SGCZ: variants seen among roughly 807,000 people sequenced by gnomAD.
The protein encoded by SGCZ is zeta-sarcoglycan.
A neutral mutation model predicts 41.3 loss-of-function variants in SGCZ; 40 were observed. The ratio of observed to expected loss-of-function variants is 0.97; its 90% CI spans 0.75 to 1.26. The LOEUF is 1.26. Ranked by LOEUF, SGCZ falls within the 50% of genes most tolerant of loss-of-function variation. The pLI, the probability that SGCZ is intolerant of heterozygous loss-of-function variation, is 0.00. For synonymous variants in SGCZ, 206 were observed against 137.5 expected (o/e 1.50, Z -3.49); for missense variants, 552 against 369.8 (o/e 1.49, Z -4.04).
intron 1 of SGCZ, among the ~76,000 whole-genome samples, chr8:15,030,620 T>A (rs1803626347): frequency 6.6e-6 from 1 of 152,186 alleles, no homozygotes; most frequent in African/African-American, 2.4e-5. Context: ...GTGGAGTATT[T>A]GTTGAGTATC....
chr8:15,007,275 T>C (rs939964125), intron 1 of SGCZ, among the ~76,000 whole-genome samples: 16 of 152,334 alleles, frequency 1.1e-4, no homozygotes, highest in African/African-American at 3.8e-4. Context: ...TGACAGATTT[T>C]GATACTATGT....
intron 1 of SGCZ, among the ~76,000 whole-genome samples, chr8:14,582,009 A>T (rs1804906132): frequency 6.6e-6 from 1 of 152,104 alleles, no homozygotes; most frequent in African/African-American, 2.4e-5. Context: ...AAAGAAAGAC[A>T]AATCCTTCCT....
chr8:14,268,166 C>A lies in SGCZ; in HGVS notation c.337-30487G>T, dbSNP rs553653374. Among the ~76,000 whole-genome samples, 13 of 149,532 alleles carry A rather than the reference C, an allele frequency of 8.7e-5. No individual in the cohort carries two copies. In the South Asian group the frequency reaches 2.7e-3, roughly 31 times the overall value. ...TAAAATATAGTGAGAAAAACAGAAACAACGGAAGCAAAATACTGGGAATAC... is the reference window on the plus strand; with the variant it reads ...TAAAATATAGTGAGAAAAACAGAAAAAACGGAAGCAAAATACTGGGAATAC... On this transcript the variant is annotated intron_variant, in intron 3 of 7. Coordinates refer to ENST00000382080, the MANE Select transcript of SGCZ (RefSeq NM_139167.4).
At chr8:14,579,847 C>T (rs913525467) in intron 1 of SGCZ, among the ~76,000 whole-genome samples, 16 of 152,248 alleles carry the variant, frequency 1.1e-4, no homozygotes, top group African/African-American at 3.9e-4. Flanking sequence ...TGCAGTTCTA[C>T]ATTTAGATAA....
intron 2 of SGCZ, among the ~76,000 whole-genome samples, chr8:14,468,998 C>G (rs150088698): frequency 3.2e-3 from 484 of 152,128 alleles, no homozygotes; most frequent in Middle Eastern, 0.01. Context: ...CTATAATAAC[C>G]TACTCACTTG....
intron 3 of SGCZ, among the ~76,000 whole-genome samples, chr8:14,251,247 AC>A (rs1799274531): frequency 1.3e-5 from 2 of 152,152 alleles, no homozygotes. Context: ...GAAAACAAAT[AC>A]AAACAAAAAC....
intron 3 of SGCZ, among the ~76,000 whole-genome samples, chr8:14,270,866 C>A (rs987184618): frequency 6.6e-6 from 1 of 152,050 alleles, no homozygotes; most frequent in Non-Finnish European, 1.5e-5. Flanking sequence ...TACTATGCAG[C>A]CATAAAAATG....
At chr8:14,247,556 TA>T (rs1799146671) in intron 3 of SGCZ, among the ~76,000 whole-genome samples, 1 of 152,322 alleles carries the variant, frequency 6.6e-6, no homozygotes, top group Admixed American at 6.5e-5. Flanking sequence ...TATCTCTATC[TA>T]AAGTAACAAA....
At chr8:15,113,377 A>T (rs1229620309) in intron 1 of SGCZ, among the ~76,000 whole-genome samples, 3 of 152,122 alleles carry the variant, frequency 2.0e-5, no homozygotes, top group African/African-American at 7.2e-5. Context: ...CTTCTCTCAG[A>T]CGAACCAGAT....
chr8:14,954,110 T>G (rs1265724685), intron 1 of SGCZ, among the ~76,000 whole-genome samples: 1 of 152,210 alleles, frequency 6.6e-6, no homozygotes, highest in Non-Finnish European at 1.5e-5. Flanking sequence ...AACAATAACT[T>G]CATTCTATCA....
intron 2 of SGCZ, among the ~76,000 whole-genome samples, chr8:14,360,450 T>C (rs1231327198): frequency 4.0e-5 from 6 of 151,860 alleles, no homozygotes; most frequent in Non-Finnish European, 8.8e-5. Flanking sequence ...CTCAGCCTCC[T>C]GAGCAGCTGG....
At chr8:14,462,205 T>C (rs898971233) in intron 2 of SGCZ, among the ~76,000 whole-genome samples, 1 of 151,958 alleles carries the variant, frequency 6.6e-6, no homozygotes, top group Non-Finnish European at 1.5e-5. Context: ...TTAAGGAATT[T>C]GCACTTTTGT....
intron 1 of SGCZ, among the ~76,000 whole-genome samples, chr8:14,613,610 G>C (rs1805999692): frequency 6.6e-6 from 1 of 152,128 alleles, no homozygotes; most frequent in Non-Finnish European, 1.5e-5. Flanking sequence ...CTAAATTTCA[G>C]AGCATGCAGA....
intron 1 of SGCZ, among the ~76,000 whole-genome samples, chr8:15,068,895 A>C (rs1319937410): frequency 1.3e-5 from 2 of 152,174 alleles, no homozygotes; most frequent in Non-Finnish European, 2.9e-5. Context: ...TATAGTATTA[A>C]GTTTATGTGG....
Position 14,186,739 on chromosome 8 carries a change from A to G in SGCZ, c.425-22037T>C, listed in dbSNP as rs1286547368. 3.5e-4 allele frequency among the ~76,000 whole-genome samples: 53 copies of G among 152,210 alleles called. 1 individual carries two copies. The highest frequency in any genetic ancestry group is 3.5e-3 in the Admixed American group (53 of 15,278). On this transcript the variant is annotated intron_variant, in intron 4 of 7. Coordinates refer to ENST00000382080, the MANE Select transcript of SGCZ (RefSeq NM_139167.4). ...AAGCTTTATTTGCCACAGTGCTAGA[A>G]GAAGTTCAAACCTAAAAGTACTTTA...
intron 1 of SGCZ, among the ~76,000 whole-genome samples, chr8:14,825,299 C>T (rs1048688798): frequency 3.9e-5 from 6 of 152,174 alleles, no homozygotes; most frequent in African/African-American, 1.2e-4. Flanking sequence ...TGTATCGTCA[C>T]TTATCTCTCA....
At chr8:14,779,098 T>A (rs1800502887) in intron 1 of SGCZ, among the ~76,000 whole-genome samples, 1 of 152,226 alleles carries the variant, frequency 6.6e-6, no homozygotes, top group African/African-American at 2.4e-5. Flanking sequence ...AACTGTAATA[T>A]TCAGCTTCTA....
At chr8:15,061,587 G>A (rs1804935445) in intron 1 of SGCZ, among the ~76,000 whole-genome samples, 1 of 151,746 alleles carries the variant, frequency 6.6e-6, no homozygotes, top group African/African-American at 2.4e-5. Flanking sequence ...TTGAGAGACT[G>A]GATTCATTCT....
chr8:15,000,615 A>T (rs1270065045), intron 1 of SGCZ, among the ~76,000 whole-genome samples: 1 of 152,128 alleles, frequency 6.6e-6, no homozygotes, highest in Non-Finnish European at 1.5e-5. Context: ...TTTGCCAGCC[A>T]CGTGTACAGC....
Sources: gnomAD v4.1 joint callset for allele counts (sites outside exome capture counted in the v4.1 genomes callset) on GRCh38, gnomAD v4.1.1 for gene constraint, MANE v1.5 for transcripts, NCBI Gene and HGNC (gene_info 2026-07-23, HGNC 2026-07-21) for gene names.